ADAMTSL3: variants seen among roughly 807,000 people sequenced by gnomAD.
The protein encoded by ADAMTSL3 is ADAMTS like 3.
ADAMTSL3 carries 128 observed loss-of-function variants against 201.7 expected under a neutral mutation model. The ratio of observed to expected loss-of-function variants is 0.63; its 90% confidence interval spans 0.55 to 0.73. ADAMTSL3 has a LOEUF of 0.73. Among genes scored for constraint, ADAMTSL3 ranks in the 30% least tolerant of loss-of-function variants. ADAMTSL3 has a pLI of 0.00. For missense variants in ADAMTSL3, 1,990 were observed against 2,119.6 expected (o/e 0.94, Z 1.20); for synonymous variants, 738 against 748.4 (o/e 0.99, Z 0.23).
At chr15:83,915,970 A>G (rs1037357246) in intron 16 of ADAMTSL3, among the ~76,000 whole-genome samples, 2 of 152,196 alleles carry the variant, frequency 1.3e-5, no homozygotes, top group Non-Finnish European at 2.9e-5. Context: ...ATATGATTTT[A>G]TATGGACATA....
intron 19 of ADAMTSL3, among the ~76,000 whole-genome samples, chr15:83,965,891 G>T (rs1033695052): frequency 1.3e-5 from 2 of 152,100 alleles, no homozygotes; most frequent in African/African-American, 4.8e-5. Flanking sequence ...ACTCAAAACT[G>T]CACAACTACA....
At chr15:83,713,882 A>G (rs373727946) in intron 3 of ADAMTSL3, among the ~76,000 whole-genome samples, 3 of 152,160 alleles carry the variant, frequency 2.0e-5, no homozygotes, top group Non-Finnish European at 4.4e-5. Context: ...TAAAGGCTCC[A>G]TGGGGCTTGA....
At chr15:83,681,482 C>T (rs534368603) in intron 2 of ADAMTSL3, among the ~76,000 whole-genome samples, 3 of 152,250 alleles carry the variant, frequency 2.0e-5, no homozygotes, top group East Asian at 1.9e-4. Flanking sequence ...ATAGATCCAC[C>T]GTTGTTTGCT....
intron 2 of ADAMTSL3, among the ~76,000 whole-genome samples, chr15:83,668,822 T>C (rs2061284758): frequency 6.6e-6 from 1 of 152,234 alleles, no homozygotes; most frequent in African/African-American, 2.4e-5. Context: ...CTCTTCTTAA[T>C]GGGGCTCTGC....
intron 7 of ADAMTSL3, among the ~76,000 whole-genome samples, chr15:83,840,515 G>A (rs2064352670): frequency 6.6e-6 from 1 of 152,186 alleles, no homozygotes; most frequent in African/African-American, 2.4e-5. Flanking sequence ...GGGTTGGTTG[G>A]AGAACACCGT....
intron 28 of ADAMTSL3, among the ~76,000 whole-genome samples, chr15:84,033,188 C>T (rs2068440049): frequency 6.6e-6 from 1 of 152,162 alleles, no homozygotes; most frequent in Admixed American, 6.5e-5. Context: ...ACTGGTCCCC[C>T]TTCATCCATC....
chr15:83,689,140 T>A (rs1477069520), intron 2 of ADAMTSL3, among the ~76,000 whole-genome samples: 1 of 152,180 alleles, frequency 6.6e-6, no homozygotes, highest in Non-Finnish European at 1.5e-5. Flanking sequence ...TATTTTATTA[T>A]AAAATGTATA....
At chr15:83,924,176 T>TA (rs2066206239) in intron 17 of ADAMTSL3, 143 bp downstream of exon 17, 1 of 1,154,472 alleles carries the variant, frequency 8.7e-7, no homozygotes, top group Non-Finnish European at 1.2e-6. Flanking sequence ...TTGCTCAAGT[T>TA]ATGCTCCAGC....
At chr15:83,750,850 G>A (rs754370365) in intron 3 of ADAMTSL3, among the ~76,000 whole-genome samples, 1 of 152,084 alleles carries the variant, frequency 6.6e-6, no homozygotes, top group Admixed American at 6.5e-5. Context: ...GCGCCCGGCT[G>A]GGGGAGACAT....
chr15:83,874,145 C>T (rs1234986357), intron 9 of ADAMTSL3, among the ~76,000 whole-genome samples: 1 of 143,306 alleles, frequency 7.0e-6, no homozygotes, highest in Non-Finnish European at 1.5e-5. Context: ...GGAAAGCCTT[C>T]TCCCTCTCCT....
chr15:83,809,124 A>G (rs1029451271), intron 5 of ADAMTSL3, among the ~76,000 whole-genome samples: 1 of 152,146 alleles, frequency 6.6e-6, no homozygotes, highest in Admixed American at 6.5e-5. Flanking sequence ...ATTTAGCCAG[A>G]AGAGAGGATC....
Position 83,733,647 on chromosome 15 carries a change from G to A in ADAMTSL3, c.189+29139G>A, listed in dbSNP as rs773405659. ...TGCAAATCTTTCAAATGATCGCACC[G>A]TACTTGCTAATCTTTGAAGGAAGCT... On this transcript the variant is annotated intron_variant, in intron 3 of 29. Transcript: ENST00000286744. 9.4e-4 allele frequency among the ~76,000 whole-genome samples: 143 copies of A among 152,214 alleles called. 9 individuals carry two copies. Among genetic ancestry groups the A allele is most frequent in the Middle Eastern group, 3.4e-3 (1 of 294 alleles).
intron 8 of ADAMTSL3, among the ~76,000 whole-genome samples, chr15:83,864,858 GA>G (rs2064941062): frequency 6.6e-6 from 1 of 152,188 alleles, no homozygotes; most frequent in South Asian, 2.1e-4. Context: ...TGTATATCTA[GA>G]AAACCCCATC....
At chr15:84,004,751 G>A (rs1457547045) in intron 23 of ADAMTSL3, among the ~76,000 whole-genome samples, 2 of 152,210 alleles carry the variant, frequency 1.3e-5, no homozygotes, top group Non-Finnish European at 2.9e-5. Context: ...AGCTGTCAAT[G>A]TCCAAGAGGA....
At chr15:83,860,715 T>C (rs1471819196) in intron 8 of ADAMTSL3, among the ~76,000 whole-genome samples, 1 of 152,022 alleles carries the variant, frequency 6.6e-6, no homozygotes, top group Non-Finnish European at 1.5e-5. Context: ...TAGGAATAGC[T>C]CCAGTCTACA....
intron 4 of ADAMTSL3, among the ~76,000 whole-genome samples, chr15:83,792,204 C>T: frequency 6.6e-6 from 1 of 152,038 alleles, no homozygotes; most frequent in African/African-American, 2.4e-5. Flanking sequence ...GCAAAGGACC[C>T]AAATAGACAT....
At chr15:83,862,141 G>T (rs2064876951) in intron 8 of ADAMTSL3, 1 of 152,206 alleles carries the variant, frequency 6.6e-6, no homozygotes, top group Non-Finnish European at 1.5e-5. Context: ...ATCTACGTCT[G>T]ATTGGTGTAC....
At chr15:83,701,297 C>T (rs923197633) in intron 2 of ADAMTSL3, among the ~76,000 whole-genome samples, 22 of 152,164 alleles carry the variant, frequency 1.4e-4, no homozygotes, top group African/African-American at 5.3e-4. Flanking sequence ...CTGGTAAACC[C>T]TCTACCTCCT....
intron 3 of ADAMTSL3, among the ~76,000 whole-genome samples, chr15:83,709,400 G>A (rs974126875): frequency 1.3e-5 from 2 of 152,208 alleles, no homozygotes; most frequent in African/African-American, 4.8e-5. Flanking sequence ...TGTGGTTTCA[G>A]TTACTAGCCA....
Sources: gnomAD v4.1 joint callset for allele counts (sites outside exome capture counted in the v4.1 genomes callset) on GRCh38, gnomAD v4.1.1 for gene constraint, MANE v1.5 for transcripts, NCBI Gene and HGNC (gene_info 2026-07-23, HGNC 2026-07-21) for gene names.